Variants in TRANK1 observed in about 807,000 individuals in gnomAD.
The protein encoded by TRANK1 is tetratricopeptide repeat and ankyrin repeat containing 1.
In TRANK1, 198 loss-of-function variants were observed where a neutral mutation model predicts 266.0. The ratio of observed to expected loss-of-function variants is 0.74; its 90% CI spans 0.66 to 0.84. The LOEUF (loss-of-function observed/expected upper bound fraction) is 0.84. Ranked by LOEUF, TRANK1 falls within the 40% of genes least tolerant of loss-of-function variation. The pLI is 0.00. For missense variants in TRANK1, 3,326 were observed against 3,634.6 expected (o/e 0.92, Z 2.18); for synonymous variants, 1,396 against 1,384.1 (o/e 1.01, Z -0.19).
Position 36,908,333 on chromosome 3 carries a change from A to T in TRANK1, c.145T>A (p.Tyr49Asn). The T allele has an allele frequency of 8.1e-7, 1 of 1,232,254 alleles. No homozygotes were observed. The highest frequency in any genetic ancestry group is 1.0e-6 in the Non-Finnish European group (1 of 987,992). The allele number at this position is 1,232,254 out of a possible 1,614,324, so 76.3% of individuals were successfully genotyped here. A position where few individuals can be genotyped will look rare whatever the true frequency, so the allele number is the denominator to read the frequency against. The change falls in exon 2 of 24, where the codon TAC (tyrosine) becomes AAC (asparagine). Residue 49 changes from tyrosine (Y) to asparagine (N), a missense_variant. Transcript: ENST00000645898. ...DEAIQILLQLYQWGVPPRDLA... is the reference protein window; with the variant it reads ...DEAIQILLQLNQWGVPPRDLA... ...AATGCAAACACTTACCCCCACTGGT[A>T]TAACTGCAGGAGAATCTGGATGGCT...
In TRANK1 at chr3:36,843,464, C is replaced by A. The variant is rs1369558225; in HGVS notation, c.5192-754G>T. On this transcript the variant is annotated intron_variant, in intron 17 of 23. Transcript: ENST00000645898. Reference sequence around the variant, plus strand: ...AAATGTGCAAACTTTGCCCTCATCACAATAAGTAATCTGACACATTCCTAT... The same window carrying A: ...AAATGTGCAAACTTTGCCCTCATCAAAATAAGTAATCTGACACATTCCTAT... 2.6e-5 allele frequency among the ~76,000 whole-genome samples: 4 copies of A among 152,140 alleles called. No homozygotes were observed. The South Asian group carries it at 8.3e-4, about 32-fold the overall frequency.
intron 22 of TRANK1, among the ~76,000 whole-genome samples, 153 bp from the exon 23 acceptor site, chr3:36,829,815 C>T (rs547351118): frequency 2.6e-5 from 4 of 152,276 alleles, no homozygotes; most frequent in South Asian, 4.1e-4. Flanking sequence ...CCCAAAGCTG[C>T]CTTCTGCTGC....
chr3:36,945,133 C>T (rs2080555731), upstream of TRANK1: 1 of 346,252 alleles, frequency 2.9e-6, no homozygotes, highest in Non-Finnish European at 5.2e-6. Flanking sequence ...TTTGTCATCG[C>T]GTTCAAAAGG....
At chr3:36,837,345 G>T (rs2078784219) in intron 20 of TRANK1, among the ~76,000 whole-genome samples, 1 of 152,126 alleles carries the variant, frequency 6.6e-6, no homozygotes, top group Non-Finnish European at 1.5e-5. Context: ...GCAGCATCTG[G>T]AGGGCCTTAT....
rs112873983 is a variant in TRANK1 at position 36,872,703 on chromosome 3, A to C, written c.1078+1423T>G. On this transcript the variant is annotated intron_variant, in intron 9 of 23. Coordinates refer to ENST00000645898, the MANE Select transcript of TRANK1 (RefSeq NM_001329998.2). Reference sequence around the variant, plus strand: ...AAAGGAGATAGAGACTAGTAGGGAAAGGTACAGAGACATATATTATAAATT... The same window carrying C: ...AAAGGAGATAGAGACTAGTAGGGAACGGTACAGAGACATATATTATAAATT... Among the ~76,000 whole-genome samples the C allele has an allele frequency of 9.1e-3, 1,386 of 152,332 alleles. 22 individuals carry two copies. The highest frequency in any genetic ancestry group is 0.032 in the African/African-American group (1,337 of 41,568).
intron 2 of TRANK1, among the ~76,000 whole-genome samples, chr3:36,904,937 G>T (rs2079939951): frequency 6.6e-6 from 1 of 151,494 alleles, no homozygotes; most frequent in Non-Finnish European, 1.5e-5. Flanking sequence ...CTCTCCCCAG[G>T]AAGTTACACC....
chr3:36,843,371 G>T (rs2078874050), intron 17 of TRANK1, among the ~76,000 whole-genome samples: 1 of 152,078 alleles, frequency 6.6e-6, no homozygotes, highest in Admixed American at 6.5e-5. Flanking sequence ...AAGTCAAGTG[G>T]CTCTTAGCAA....
At chr3:36,941,714 C>T (rs1357375023) in intron 1 of TRANK1, among the ~76,000 whole-genome samples, 1 of 152,232 alleles carries the variant, frequency 6.6e-6, no homozygotes, top group African/African-American at 2.4e-5. Context: ...CTCCCCATCG[C>T]TGTAACCAGC....
At chr3:36,872,691 A>T (rs1238497737) in intron 9 of TRANK1, among the ~76,000 whole-genome samples, 1 of 152,182 alleles carries the variant, frequency 6.6e-6, no homozygotes, top group East Asian at 1.9e-4. Flanking sequence ...GGAGATAGAG[A>T]CTAGTAGGGA....
chr3:36,903,040 C>G, intron 3 of TRANK1, 109 bp downstream of exon 3: 1 of 1,384,782 alleles, frequency 7.2e-7, no homozygotes, highest in East Asian at 2.6e-5. Flanking sequence ...CAGCAGCTGC[C>G]ACCCCCAGGT....
At chr3:36,934,459 T>C (rs1024475033) in intron 1 of TRANK1, among the ~76,000 whole-genome samples, 1 of 152,158 alleles carries the variant, frequency 6.6e-6, no homozygotes, top group East Asian at 1.9e-4. Flanking sequence ...GTTTGAGTTG[T>C]TTTTTCTCTC....
chr3:36,844,650 A>G (rs964270428), intron 17 of TRANK1, among the ~76,000 whole-genome samples: 7 of 152,216 alleles, frequency 4.6e-5, no homozygotes, highest in African/African-American at 1.7e-4. Context: ...AGAAGGTGGG[A>G]CCTGAACAAG....
intron 15 of TRANK1, chr3:36,850,127 T>C: frequency 1.0e-6 from 1 of 985,390 alleles, no homozygotes; most frequent in Non-Finnish European, 1.2e-6. Context: ...TGGTACTTAA[T>C]AAAGAACAGA....
Position 36,833,880 on chromosome 3 carries a change from G to T in TRANK1, c.5703C>A (p.Ser1901=), listed in dbSNP as rs1228557387. Residue 1901 remains serine (S), a synonymous_variant, in exon 22 of 24, where the codon TCC becomes TCA. Transcript: ENST00000645898. ...ACTGACTGGCAGAATAGGAGAGCTT[G>T]GAAATGGGAAGGGTCTTAGTCTTTA... is the stretch of plus-strand genomic sequence containing the variant. The part of the protein sequence containing the change: ...EMLKTKTLPI[S]KLSYSASQFY... The T allele has an allele frequency of 1.2e-6, 2 of 1,613,382 alleles. No individual in the cohort carries two copies. Among genetic ancestry groups the T allele is most frequent in the African/African-American group, 2.7e-5 (2 of 74,900 alleles).
intron 1 of TRANK1, among the ~76,000 whole-genome samples, chr3:36,929,883 A>G (rs927630706): frequency 1.5e-4 from 23 of 149,058 alleles, no homozygotes; most frequent in Non-Finnish European, 3.0e-4. Flanking sequence ...GATGCAGCAG[A>G]TTGTTGTTGT....
chr3:36,832,241 T>C lies in TRANK1; in HGVS notation c.7342A>G (p.Ser2448Gly), dbSNP rs775842490. ...AGGAGGGCTACTGTGTTTCCAATGC[T>C]GGGGATGAGTGGTTCTTTGCACCTC... is the stretch of plus-strand genomic sequence containing the variant. ...IKRCKEPLIP[S>G]IGNTVALLEF... The change falls in exon 22 of 24, where the codon AGC becomes GGC. Residue 2448 changes from serine (S) to glycine (G), a missense_variant. Transcript: ENST00000645898. 1.4e-5 allele frequency: 22 copies of C among 1,613,868 alleles called. No homozygotes were observed. The highest frequency in any genetic ancestry group is 1.9e-5 in the Non-Finnish European group (22 of 1,179,890).
In TRANK1 at chr3:36,896,980, G is replaced by C. The variant is rs34356203; in HGVS notation, c.434-1222C>G. 5.6e-3 allele frequency among the ~76,000 whole-genome samples: 846 copies of C among 150,144 alleles called. 4 individuals are homozygous for C. Among genetic ancestry groups the C allele is most frequent in the Non-Finnish European group, 8.4e-3 (565 of 67,644 alleles). On this transcript the variant is annotated intron_variant, in intron 4 of 23. Transcript: ENST00000645898. ...TTGCACTTCAGCCTGGGCGAAAAGAGTGAAACTCCATCTCAAAAAAAATAT... is the reference window on the plus strand; with the variant it reads ...TTGCACTTCAGCCTGGGCGAAAAGACTGAAACTCCATCTCAAAAAAAATAT...
In TRANK1 at chr3:36,833,634, G is replaced by T; in HGVS notation, c.5949C>A (p.Ala1983=). The change falls in exon 22 of 24, where the codon GCC becomes GCA. Residue 1983 remains alanine, a synonymous_variant. Coordinates refer to ENST00000645898, the MANE Select transcript of TRANK1 (RefSeq NM_001329998.2). ...GCLLEAARLT[A]DKDFQASCLL... ...GACATGAGGCCTGGAAGTCCTTGTCGGCAGTGAGCCTGGCAGCCTCCAGGA... is the reference window on the plus strand; with the variant it reads ...GACATGAGGCCTGGAAGTCCTTGTCTGCAGTGAGCCTGGCAGCCTCCAGGA... 1.2e-6 allele frequency: 2 copies of T among 1,613,862 alleles called. No homozygotes were observed. Among genetic ancestry groups the T allele is most frequent in the Non-Finnish European group, 1.7e-6 (2 of 1,179,828 alleles).
chr3:36,898,849 CAA>C lies in TRANK1; in HGVS notation c.433+258_433+259del, dbSNP rs57126220. Among the ~76,000 whole-genome samples the C allele has an allele frequency of 1.0e-2, 1,126 of 112,820 alleles. 19 individuals are homozygous for C. Among genetic ancestry groups the C allele is most frequent in the African/African-American group, 0.03 (977 of 32,086 alleles). 74.0% of individuals were successfully genotyped at this position (112,820 alleles called of 152,430 possible). ...CTGGTGACAGAATAAGACTCTGTCT[CAA>C]AAAAAAAAAAAAAAAATCTGAAACC... On this transcript the variant is annotated intron_variant, in intron 4 of 23. Coordinates refer to ENST00000645898, the MANE Select transcript of TRANK1 (RefSeq NM_001329998.2).
Sources: allele counts gnomAD v4.1 joint callset (sites outside exome capture counted in the v4.1 genomes callset), GRCh38; gene constraint gnomAD v4.1.1; transcripts MANE v1.5; gene names NCBI Gene and HGNC (gene_info 2026-07-23, HGNC 2026-07-21).